MRTFB: variants seen among roughly 807,000 people sequenced by gnomAD.
MRTFB encodes myocardin-related transcription factor B.
Under a neutral mutation model 104.2 loss-of-function variants are expected in MRTFB, and 29 were observed. The observed-to-expected ratio is 0.28, with a 90% confidence interval of 0.21 to 0.38. The LOEUF (loss-of-function observed/expected upper bound fraction) is 0.38, where lower values mean the gene tolerates loss of function less well. Ranked by LOEUF, MRTFB falls within the 10% of genes least tolerant of loss-of-function variation. The probability of loss-of-function intolerance (pLI) is 1.00; values close to 1 mark genes in which losing one functional copy is unlikely to be tolerated. For missense variants in MRTFB, 1,270 were observed against 1,341.6 expected (o/e 0.95, Z 0.83); for synonymous variants, 535 against 519.5 (o/e 1.03, Z -0.41).
Position 14,265,738 on chromosome 16 carries a change from A to G in MRTFB, c.*4294A>G, listed in dbSNP as rs2043926621. 6.6e-6 allele frequency: 1 copy of G among 152,248 alleles called. No individual in the cohort carries two copies. Among genetic ancestry groups the G allele is most frequent in the African/African-American group, 2.4e-5 (1 of 41,462 alleles). The allele number at this position is 152,248 out of a possible 1,614,324, so 9.4% of individuals were successfully genotyped here. On this transcript the variant is annotated 3_prime_UTR_variant, in exon 17 of 17. Transcript: ENST00000571589. ...TTCGAAAAGCTGCACATGTTTACAG[A>G]AGAGCTCTTACCCTCCATGCAAACA...
chr16:14,113,499 C>T (rs1472373370), intron 2 of MRTFB, among the ~76,000 whole-genome samples: 1 of 152,142 alleles, frequency 6.6e-6, no homozygotes, highest in Non-Finnish European at 1.5e-5. Flanking sequence ...GATTTATTCG[C>T]AGTAGGTGAT....
the MRTFB span, among the ~76,000 whole-genome samples, chr16:14,054,739 C>G: frequency 1.3e-5 from 2 of 152,170 alleles, no homozygotes; most frequent in African/African-American, 4.8e-5. Flanking sequence ...CATCATAGTA[C>G]TTAATAAGCA....
intron 2 of MRTFB, among the ~76,000 whole-genome samples, chr16:14,139,120 A>G (rs1004578160): frequency 8.5e-5 from 13 of 152,362 alleles, no homozygotes; most frequent in South Asian, 4.1e-4. Flanking sequence ...AAACACTATT[A>G]AGAACATACA....
chr16:14,190,467 G>A (rs990046967), intron 3 of MRTFB, among the ~76,000 whole-genome samples: 1 of 152,180 alleles, frequency 6.6e-6, no homozygotes, highest in African/African-American at 2.4e-5. Flanking sequence ...ATTCAGATAA[G>A]TGTTTTAATG....
At chr16:14,073,411 T>C (rs1012714091) in intron 1 of MRTFB, among the ~76,000 whole-genome samples, 4 of 152,242 alleles carry the variant, frequency 2.6e-5, no homozygotes, top group African/African-American at 7.2e-5. Flanking sequence ...ATCAGTGTTA[T>C]CTAGTCAATT....
chr16:14,160,018 C>G (rs2038974901), intron 3 of MRTFB, among the ~76,000 whole-genome samples: 2 of 147,528 alleles, frequency 1.4e-5, no homozygotes, highest in Admixed American at 1.3e-4. Flanking sequence ...AGAATAAATA[C>G]ATTCTCCTGT....
intron 3 of MRTFB, among the ~76,000 whole-genome samples, chr16:14,202,119 CA>C (rs57738397): frequency 0.079 from 8,321 of 104,990 alleles, 680 homozygotes; most frequent in African/African-American, 0.23. Context: ...GTTTACAAGG[CA>C]AAAAAAAAAA....
chr16:14,234,876 G>C (rs2042425538), intron 9 of MRTFB, among the ~76,000 whole-genome samples: 3 of 152,160 alleles, frequency 2.0e-5, no homozygotes, highest in Admixed American at 2.0e-4. Flanking sequence ...TGAAACAAGA[G>C]AAAAACAGAT....
intron 1 of MRTFB, among the ~76,000 whole-genome samples, chr16:14,078,306 T>C (rs2034187519): frequency 6.6e-6 from 1 of 152,230 alleles, no homozygotes; most frequent in East Asian, 1.9e-4. Context: ...TTCAGATGTT[T>C]GTTAAATGAA....
chr16:14,213,495 C>T, intron 5 of MRTFB, 50 bp from the exon 6 acceptor site: 2 of 1,304,306 alleles, frequency 1.5e-6, no homozygotes, highest in Non-Finnish European at 2.2e-6. Flanking sequence ...ACATTTAAAA[C>T]CACAATAAAT....
At chr16:14,244,995 G>C (rs2042950495) in intron 10 of MRTFB, among the ~76,000 whole-genome samples, 1 of 152,100 alleles carries the variant, frequency 6.6e-6, no homozygotes, top group Non-Finnish European at 1.5e-5. Context: ...GTAGATTTTG[G>C]GAACAAGGTG....
chr16:14,106,334 G>T (rs559328724), intron 2 of MRTFB, among the ~76,000 whole-genome samples: 3 of 152,322 alleles, frequency 2.0e-5, no homozygotes, highest in African/African-American at 7.2e-5. Flanking sequence ...TGGGACGAAG[G>T]TGGTGTTCCT....
In MRTFB at chr16:14,258,170, A is replaced by G. The variant is rs1385314214; in HGVS notation, c.2764+9A>G. On this transcript the variant is annotated intron_variant, in intron 16 of 16. Coordinates refer to ENST00000571589, the MANE Select transcript of MRTFB (RefSeq NM_001308142.2). ...CCTCATTAAGAGTGGAGGTAAGTCA[A>G]AAGTCACATCAGATCCTCCCAGGAA... The G allele has an allele frequency of 1.9e-6, 3 of 1,612,592 alleles. No homozygotes were observed. Among genetic ancestry groups the G allele is most frequent in the Non-Finnish European group, 1.7e-6 (2 of 1,178,812 alleles).
the MRTFB span, among the ~76,000 whole-genome samples, chr16:14,053,201 T>C: frequency 6.6e-6 from 1 of 152,072 alleles, no homozygotes; most frequent in African/African-American, 2.4e-5. Flanking sequence ...ATTGGAATAA[T>C]AGGCACAAAC....
chr16:14,149,594 A>G (rs2038511240), intron 3 of MRTFB: 1 of 152,232 alleles, frequency 6.6e-6, no homozygotes, highest in African/African-American at 2.4e-5. Flanking sequence ...AAGTATTAAA[A>G]AATTGATATT....
At chr16:14,053,233 T>C in the MRTFB span, among the ~76,000 whole-genome samples, 785 of 152,166 alleles carry the variant, frequency 5.2e-3, 8 homozygotes, top group African/African-American at 0.018. Context: ...GCCCTCTGTG[T>C]GTGTGTATGT....
intron 3 of MRTFB, among the ~76,000 whole-genome samples, chr16:14,157,355 G>A (rs1304151696): frequency 6.6e-6 from 1 of 152,140 alleles, no homozygotes; most frequent in East Asian, 1.9e-4. Context: ...TATCACTGAG[G>A]TTATCTGATA....
chr16:14,000,123 G>A, the MRTFB span, among the ~76,000 whole-genome samples: 2 of 152,080 alleles, frequency 1.3e-5, no homozygotes, highest in South Asian at 2.1e-4. Context: ...AGAGAGAGGC[G>A]GCTCTAAGCC....
intron 10 of MRTFB, among the ~76,000 whole-genome samples, chr16:14,242,464 T>C (rs938096832): frequency 1.3e-5 from 2 of 152,248 alleles, no homozygotes; most frequent in African/African-American, 4.8e-5. Context: ...TTCCAGATCC[T>C]AAAAATGGAG....
Sources: gnomAD v4.1 joint callset for allele counts (sites outside exome capture counted in the v4.1 genomes callset) on GRCh38, gnomAD v4.1.1 for gene constraint, MANE v1.5 for transcripts, NCBI Gene and HGNC (gene_info 2026-07-23, HGNC 2026-07-21) for gene names.